The following RGS7BP variants were observed in gnomAD, a reference collection of about 807,000 sequenced individuals.
The protein encoded by RGS7BP is regulator of G protein signaling 7-binding protein.
RGS7BP carries 9 observed loss-of-function variants against 31.3 expected under a neutral mutation model. The observed-to-expected ratio is 0.29, with a 90% CI of 0.17 to 0.50. RGS7BP has a LOEUF of 0.50. RGS7BP is among the 20% of genes least tolerant of loss of function. RGS7BP has a pLI of 0.98. For synonymous variants in RGS7BP, 115 were observed against 120.1 expected, an observed-to-expected ratio of 0.96 and a Z score of 0.28; for missense variants, 274 against 322.0, an observed-to-expected ratio of 0.85 and a Z score of 1.14.
In RGS7BP at chr5:64,609,542, G is replaced by T. The variant is rs1743452160; in HGVS notation, c.*290G>T. ...ACGCCATGACAGATGCAAGAATTAT[G>T]ATTTTTAAATTATTTAAAGGTTTTT... On this transcript the variant is annotated 3_prime_UTR_variant, in exon 6 of 6. Transcript: ENST00000334025. The T allele has an allele frequency of 3.0e-6, 1 of 330,220 alleles. No individual in the cohort carries two copies. Among genetic ancestry groups the T allele is most frequent in the East Asian group, 5.1e-5 (1 of 19,436 alleles). 20.5% of individuals were successfully genotyped at this position (330,220 alleles called of 1,614,324 possible).
At chr5:64,555,754 C>A (rs1447837071) in intron 2 of RGS7BP, among the ~76,000 whole-genome samples, 1 of 152,108 alleles carries the variant, frequency 6.6e-6, no homozygotes. Flanking sequence ...GAATTTCACA[C>A]ATTGTAAATT....
chr5:64,536,724 A>G (rs1362308475), intron 2 of RGS7BP, among the ~76,000 whole-genome samples: 2 of 152,240 alleles, frequency 1.3e-5, no homozygotes, highest in Admixed American at 1.3e-4. Context: ...TTCTAGTACC[A>G]GATATGGACT....
At chr5:64,553,171 C>CTTTTTTTT (rs542252038) in intron 2 of RGS7BP, among the ~76,000 whole-genome samples, 38 of 118,204 alleles carry the variant, frequency 3.2e-4, no homozygotes, top group African/African-American at 3.5e-4. Context: ...TTCTTTCTTT[C>CTTTTTTTT]TTTTTTTTTT....
intron 2 of RGS7BP, among the ~76,000 whole-genome samples, chr5:64,552,431 A>T (rs567176071): frequency 8.9e-4 from 136 of 152,074 alleles, no homozygotes; most frequent in Non-Finnish European, 1.6e-3. Flanking sequence ...TATGAAGTAG[A>T]AAGTATCTTA....
intron 2 of RGS7BP, among the ~76,000 whole-genome samples, chr5:64,520,292 T>C (rs1051163147): frequency 1.3e-5 from 2 of 152,242 alleles, no homozygotes; most frequent in African/African-American, 4.8e-5. Context: ...CCACAAACTA[T>C]TATTTCCACT....
intron 2 of RGS7BP, among the ~76,000 whole-genome samples, chr5:64,569,398 T>C (rs1742252946): frequency 6.6e-6 from 1 of 152,128 alleles, no homozygotes; most frequent in Admixed American, 6.6e-5. Context: ...AACTATAATA[T>C]GTATAGGTGC....
intron 2 of RGS7BP, among the ~76,000 whole-genome samples, chr5:64,558,271 C>CCCGA (rs1741972680): frequency 2.0e-5 from 3 of 152,204 alleles, no homozygotes; most frequent in Admixed American, 2.0e-4. Context: ...AGTCAGGGAC[C>CCCGA]CCGAACAGAG....
At chr5:64,512,231 T>C (rs1373706922) in intron 2 of RGS7BP, among the ~76,000 whole-genome samples, 1 of 152,178 alleles carries the variant, frequency 6.6e-6, no homozygotes, top group Non-Finnish European at 1.5e-5. Context: ...TGTAGAAAGA[T>C]TTACTCCAGA....
intron 2 of RGS7BP, among the ~76,000 whole-genome samples, chr5:64,551,074 T>G (rs1033838553): frequency 2.0e-5 from 3 of 151,702 alleles, no homozygotes; most frequent in African/African-American, 7.3e-5. Context: ...CTGGCTCAAC[T>G]GAGGTTTCAT....
At chr5:64,585,067 T>C (rs1038358583) in intron 3 of RGS7BP, among the ~76,000 whole-genome samples, 1 of 152,198 alleles carries the variant, frequency 6.6e-6, no homozygotes, top group Admixed American at 6.5e-5. Context: ...TTAGTATAAC[T>C]GTTTGGATTC....
chr5:64,592,913 G>A (rs755431170), intron 3 of RGS7BP, among the ~76,000 whole-genome samples: 1 of 152,160 alleles, frequency 6.6e-6, no homozygotes. Context: ...ACCCTGCCTA[G>A]AGATACATGA....
intron 2 of RGS7BP, among the ~76,000 whole-genome samples, chr5:64,517,118 T>A (rs921519961): frequency 5.9e-5 from 9 of 151,998 alleles, no homozygotes; most frequent in African/African-American, 2.2e-4. Context: ...TTATGGCTTC[T>A]ATCCTCAACC....
chr5:64,588,636 A>G (rs573630765), intron 3 of RGS7BP, among the ~76,000 whole-genome samples: 1 of 152,350 alleles, frequency 6.6e-6, no homozygotes, highest in African/African-American at 2.4e-5. Flanking sequence ...GTCTTCTTCC[A>G]GTATCCATGA....
rs1238854650 is a variant in RGS7BP, at chr5:64,506,366, G to T, written c.-259G>T. On this transcript the variant is annotated 5_prime_UTR_variant, in exon 1 of 6. Coordinates refer to ENST00000334025, the MANE Select transcript of RGS7BP (RefSeq NM_001029875.3). This position sits in a 1 kb window ranked among gnomAD's most constrained non-coding sequence, Gnocchi z 4.6. ...GCCAGCGCCCAGCTCCCGGGACAGG[G>T]TCGGCAATGCTGCTGAGCAGAACTT... is the stretch of plus-strand genomic sequence containing the variant. 3 of 356,232 alleles carry T rather than the reference G, an allele frequency of 8.4e-6. No individual in the cohort carries two copies. The highest frequency in any genetic ancestry group is 6.3e-5 in the African/African-American group (3 of 47,430). The allele number at this position is 356,232 out of a possible 1,614,324, so 22.1% of individuals were successfully genotyped here.
At chr5:64,597,874 G>A (rs1244368890) in intron 4 of RGS7BP, among the ~76,000 whole-genome samples, 1 of 152,124 alleles carries the variant, frequency 6.6e-6, no homozygotes, top group Non-Finnish European at 1.5e-5. Flanking sequence ...AACTACACTT[G>A]TACTCCTTAA....
At chr5:64,552,811 A>C (rs1321303795) in intron 2 of RGS7BP, among the ~76,000 whole-genome samples, 3 of 152,156 alleles carry the variant, frequency 2.0e-5, no homozygotes, top group Non-Finnish European at 4.4e-5. Context: ...TCCTGGGCTC[A>C]AGTAACCCTC....
At chr5:64,534,841 T>C (rs1314322346) in intron 2 of RGS7BP, among the ~76,000 whole-genome samples, 1 of 152,114 alleles carries the variant, frequency 6.6e-6, no homozygotes, top group Admixed American at 6.5e-5. Flanking sequence ...TCGGACTGGA[T>C]GAGTTCATGT....
chr5:64,560,071 A>G (rs1742016856), intron 2 of RGS7BP, among the ~76,000 whole-genome samples: 1 of 152,188 alleles, frequency 6.6e-6, no homozygotes, highest in Non-Finnish European at 1.5e-5. Context: ...TCATCATTTA[A>G]TAAGGCACTA....
chr5:64,554,873 A>G (rs567059944), intron 2 of RGS7BP, among the ~76,000 whole-genome samples: 2 of 152,244 alleles, frequency 1.3e-5, no homozygotes, highest in Admixed American at 6.5e-5. Flanking sequence ...TAACTCGTAT[A>G]AATTCTAAAA....
Sources: allele counts gnomAD v4.1 joint callset (sites outside exome capture counted in the v4.1 genomes callset), GRCh38; gene constraint gnomAD v4.1.1; non-coding constraint Gnocchi (gnomAD v3.1); transcripts MANE v1.5; gene names NCBI Gene and HGNC (gene_info 2026-07-23, HGNC 2026-07-21).